ZMIZ1: variants seen among roughly 807,000 people sequenced by gnomAD.
ZMIZ1 encodes the protein zinc finger MIZ domain-containing protein 1.
In ZMIZ1, 17 loss-of-function variants were observed where a neutral mutation model predicts 113.9. The ratio of observed to expected loss-of-function variants is 0.15; its 90% CI spans 0.10 to 0.22. ZMIZ1 has a LOEUF of 0.22. Among genes scored for constraint, ZMIZ1 ranks in the 10% least tolerant of loss-of-function variants. ZMIZ1 has a pLI of 1.00. For synonymous variants in ZMIZ1, 607 were observed against 603.1 expected (o/e 1.01, Z -0.09); for missense variants, 1,059 against 1,477.8 (o/e 0.72, Z 4.65).
chr10:79,296,874 T>G lies in ZMIZ1; in HGVS notation c.1413+221T>G, dbSNP rs1402557310. The G allele has an allele frequency of 7.4e-6, 3 of 403,022 alleles. No homozygotes were observed. Among genetic ancestry groups the G allele is most frequent in the Non-Finnish European group, 1.3e-5 (3 of 228,460 alleles). The allele number at this position is 403,022 out of a possible 1,614,324, so 25.0% of individuals were successfully genotyped here. A position where few individuals can be genotyped will look rare whatever the true frequency, so the allele number is the denominator to read the frequency against. On this transcript the variant is annotated intron_variant, in intron 13 of 24. Transcript: ENST00000334512. The surrounding 1 kb of genome is among the most constrained non-coding windows in gnomAD (Gnocchi z 4.1). Reference sequence around the variant, plus strand: ...TATTCTCATTCGTCTCGGATGATGGTTTTTTTTTCTCCTTTTCTTATTCAC... The same window carrying G: ...TATTCTCATTCGTCTCGGATGATGGGTTTTTTTTCTCCTTTTCTTATTCAC...
At position 79,289,679 on chromosome 10, in the gene ZMIZ1, C is replaced by T. The variant is rs1259193392; in HGVS notation, c.426-96C>T. 3.4e-6 allele frequency: 4 copies of T among 1,172,518 alleles called. No individual in the cohort carries two copies. The African/African-American group carries it at 6.0e-5, about 18-fold the overall frequency. The allele number at this position is 1,172,518 out of a possible 1,614,324, so 72.6% of individuals were successfully genotyped here. ...TCGGATGGGGGTTACCTTGGACTGA[C>T]TGGGAGCTGCGGTCACTTGGTGGGG... On this transcript the variant is annotated intron_variant, in intron 8 of 24. Coordinates refer to ENST00000334512, the MANE Select transcript of ZMIZ1 (RefSeq NM_020338.4).
rs528043974 is a variant in ZMIZ1 at position 79,140,125 on chromosome 10, C to T, written c.-131+348C>T. On this transcript the variant is annotated intron_variant, in intron 3 of 24. Coordinates refer to ENST00000334512, the MANE Select transcript of ZMIZ1 (RefSeq NM_020338.4). ...TCAGTTGGAACTCTAGGGCTGTAGC[C>T]AGGGGTCCCAGCCTTTGTGGATGCT... Among the ~76,000 whole-genome samples, 39 of 152,286 alleles carry T rather than the reference C, an allele frequency of 2.6e-4. No individual in the cohort carries two copies. In the East Asian group the frequency reaches 6.0e-3, roughly 23 times the overall value.
chr10:79,089,191 G>A (rs2132219486), intron 1 of ZMIZ1, among the ~76,000 whole-genome samples: 1 of 152,318 alleles, frequency 6.6e-6, no homozygotes, highest in Middle Eastern at 3.4e-3. Context: ...GCAACTGGTG[G>A]GGTTCATTCC....
chr10:79,291,188 T>G lies in ZMIZ1; in HGVS notation c.758+12T>G, dbSNP rs572924719. 6.3e-7 allele frequency: 1 copy of G among 1,591,000 alleles called. No homozygotes were observed. Among genetic ancestry groups the G allele is most frequent in the African/African-American group, 1.3e-5 (1 of 74,522 alleles). Reference sequence around the variant, plus strand: ...GGCTTTGGGGCCAGGTGAGCAGGGCTGACCTGTGGCAGAAGCCATGGACGC... The same window carrying G: ...GGCTTTGGGGCCAGGTGAGCAGGGCGGACCTGTGGCAGAAGCCATGGACGC... On this transcript the variant is annotated intron_variant, in intron 10 of 24. Coordinates refer to ENST00000334512, the MANE Select transcript of ZMIZ1 (RefSeq NM_020338.4).
intron 6 of ZMIZ1, among the ~76,000 whole-genome samples, chr10:79,208,893 C>T (rs564922890): frequency 6.6e-6 from 1 of 152,272 alleles, no homozygotes; most frequent in South Asian, 2.1e-4. Flanking sequence ...TCCGTCTAAC[C>T]AAATGAGCAT....
At chr10:79,243,455 G>A (rs1166870382) in intron 7 of ZMIZ1, among the ~76,000 whole-genome samples, 1 of 148,828 alleles carries the variant, frequency 6.7e-6, no homozygotes, top group Non-Finnish European at 1.5e-5. Context: ...TGCGGTAGCC[G>A]GACGGCGGCG....
chr10:79,214,548 CTT>C (rs1229615651), intron 6 of ZMIZ1, among the ~76,000 whole-genome samples: 1 of 152,126 alleles, frequency 6.6e-6, no homozygotes, highest in African/African-American at 2.4e-5. Flanking sequence ...GTTCCCAGCC[CTT>C]TTAGCCCCAG....
At chr10:79,235,317 C>T (rs557491042) in intron 7 of ZMIZ1, among the ~76,000 whole-genome samples, 47 of 152,240 alleles carry the variant, frequency 3.1e-4, no homozygotes, top group Non-Finnish European at 4.6e-4. Flanking sequence ...AAGGCTGCAC[C>T]GGGTGATGAA....
rs781240560 is a variant in ZMIZ1, at chr10:79,298,546, C to G, written c.1632C>G (p.Ile544Met). Residue 544 changes from isoleucine (I) to methionine (M), a missense_variant, in exon 15 of 25, where the codon ATC (isoleucine) becomes ATG (methionine). Ile to Met is a conservative substitution (Grantham distance 10). Around this residue, in one of 6 missense-constraint regions of ZMIZ1, gnomAD observed 239 missense variants for 247.5 expected, o/e 0.97. Transcript: ENST00000334512. ...QDVKPPFPPD[I>M]KPNMSALPPP... The stretch of plus-strand genomic sequence containing the variant: ...TCAAACCACCCTTCCCGCCTGACAT[C>G]AAGCCAAATATGAGCGCTCTGCCAC... 6.2e-7 allele frequency: 1 copy of G among 1,602,936 alleles called. No homozygotes were observed. Among genetic ancestry groups the G allele is most frequent in the East Asian group, 2.3e-5 (1 of 43,158 alleles).
At chr10:79,245,502 T>C (rs1421803282) in intron 7 of ZMIZ1, among the ~76,000 whole-genome samples, 1 of 152,166 alleles carries the variant, frequency 6.6e-6, no homozygotes, top group African/African-American at 2.4e-5. Context: ...TGGGTGTGTT[T>C]TCCCCATTGG....
intron 8 of ZMIZ1, among the ~76,000 whole-genome samples, chr10:79,282,758 C>T (rs576901981): frequency 4.6e-5 from 7 of 152,320 alleles, no homozygotes; most frequent in Admixed American, 2.6e-4. Context: ...AGGGTGGTGA[C>T]GAGGAATACT....
At chr10:79,146,180 C>G (rs1468063109) in intron 3 of ZMIZ1, among the ~76,000 whole-genome samples, 1 of 152,144 alleles carries the variant, frequency 6.6e-6, no homozygotes, top group African/African-American at 2.4e-5. Flanking sequence ...TCCCCACTCT[C>G]CACCCCTCAG....
intron 8 of ZMIZ1, chr10:79,285,559 G>A (rs377275916): frequency 2.2e-6 from 1 of 456,024 alleles, no homozygotes; most frequent in East Asian, 6.9e-5. Flanking sequence ...CAGACACACT[G>A]TGTAGGTGGT....
chr10:79,209,503 A>T (rs544312781), intron 6 of ZMIZ1, among the ~76,000 whole-genome samples: 1 of 152,346 alleles, frequency 6.6e-6, no homozygotes, highest in African/African-American at 2.4e-5. Context: ...GAATGTGGGT[A>T]AACAGATGGC....
chr10:79,223,864 G>A (rs1379783387), intron 7 of ZMIZ1, among the ~76,000 whole-genome samples: 6 of 152,232 alleles, frequency 3.9e-5, no homozygotes, highest in South Asian at 4.1e-4. Context: ...CCTGAGATCC[G>A]GTGGCCTCAC....
intron 4 of ZMIZ1, among the ~76,000 whole-genome samples, chr10:79,172,271 A>T (rs552437126): frequency 2.6e-5 from 4 of 152,188 alleles, no homozygotes; most frequent in Admixed American, 2.6e-4. Context: ...CCCAGCTGGG[A>T]GCCTCCCTGG....
chr10:79,121,736 A>G (rs990499244), intron 2 of ZMIZ1, among the ~76,000 whole-genome samples: 25 of 152,160 alleles, frequency 1.6e-4, no homozygotes, highest in Admixed American at 1.4e-3. Flanking sequence ...GGTGGTAGGT[A>G]CCACTATGGA....
At chr10:79,101,674 A>C (rs961082519) in intron 1 of ZMIZ1, among the ~76,000 whole-genome samples, 17 of 152,180 alleles carry the variant, frequency 1.1e-4, no homozygotes, top group African/African-American at 4.1e-4. Flanking sequence ...ACCTGCCTCC[A>C]TCTGGGTGAA....
intron 1 of ZMIZ1, among the ~76,000 whole-genome samples, chr10:79,095,302 A>G (rs1335004498): frequency 2.6e-5 from 4 of 152,358 alleles, no homozygotes; most frequent in Non-Finnish European, 4.4e-5. Context: ...AGGGAAAAAC[A>G]TCTGTTTTGA....
Sources: allele counts gnomAD v4.1 joint callset (sites outside exome capture counted in the v4.1 genomes callset), GRCh38; gene constraint gnomAD v4.1.1; regional missense constraint gnomAD v4.1.1; non-coding constraint Gnocchi (gnomAD v3.1); transcripts MANE v1.5; gene names NCBI Gene and HGNC (gene_info 2026-07-23, HGNC 2026-07-21).